Variants in CACNA1E observed in about 807,000 individuals in gnomAD.
CACNA1E encodes the protein calcium voltage-gated channel subunit alpha1 E.
A neutral mutation model predicts 259.2 loss-of-function variants in CACNA1E; 40 were observed. That is an observed-to-expected ratio of 0.15 (90% CI 0.12 to 0.20). CACNA1E has a LOEUF of 0.20. Among genes scored for constraint, CACNA1E ranks in the 10% least tolerant of loss-of-function variants. The pLI is 1.00. For missense variants in CACNA1E, 1,874 were observed against 3,040.1 expected (o/e 0.62, Z 9.02); for synonymous variants, 1,104 against 1,138.5 (o/e 0.97, Z 0.61).
intron 38 of CACNA1E, among the ~76,000 whole-genome samples, chr1:181,780,812 G>T (rs950798901): frequency 6.6e-6 from 1 of 152,176 alleles, no homozygotes; most frequent in Non-Finnish European, 1.5e-5. Flanking sequence ...TCTTTGAGCA[G>T]CAAGCACAGC....
chr1:181,351,578 T>C (rs947952951), intron 1 of CACNA1E, among the ~76,000 whole-genome samples: 22 of 152,206 alleles, frequency 1.4e-4, no homozygotes, highest in Non-Finnish European at 2.6e-4. Context: ...TTAGTATCAC[T>C]GGGCTGAAGT....
Position 181,510,598 on chromosome 1 carries a change from CCTT to C in CACNA1E, c.372+19_372+21del, listed in dbSNP as rs1236509390. 2.0e-6 allele frequency: 3 copies of C among 1,488,844 alleles called. No homozygotes were observed. Among genetic ancestry groups the C allele is most frequent in the Admixed American group, 3.3e-5 (2 of 59,842 alleles). 92.2% of individuals were successfully genotyped at this position (1,488,844 alleles called of 1,614,324 possible). A position where few individuals can be genotyped will look rare whatever the true frequency, so the allele number is the denominator to read the frequency against. ...CCGAAGACTGGTATGTGATTCCCCT[CCTT>C]CTCCCCTTTGCCCCTTTTGTCTTTC... On this transcript the variant is annotated intron_variant, in intron 2 of 47. Transcript: ENST00000367573.
rs926850053 is a variant in CACNA1E at position 181,732,569 on chromosome 1, G to C, written c.2483G>C (p.Arg828Pro). ...CTCAATGCCCACCCCAGCCTTTATC[G>C]GCGACCCAGGGCCATTGAGGGCCTG... ...NPLNAHPSLY[R>P]RPRAIEGLAL... Residue 828 changes from arginine (R) to proline (P), a missense_variant, in exon 20 of 48, where the codon CGG (arginine) becomes CCG (proline). By Grantham distance (103) the Arg-to-Pro change is moderately radical. Coordinates refer to ENST00000367573, the MANE Select transcript of CACNA1E (RefSeq NM_001205293.3). This position sits in a 1 kb window ranked among gnomAD's most constrained non-coding sequence, Gnocchi z 5.5. 1 of 1,528,092 alleles carries C rather than the reference G, an allele frequency of 6.5e-7. No homozygotes were observed. Among genetic ancestry groups the C allele is most frequent in the Non-Finnish European group, 8.8e-7 (1 of 1,137,122 alleles). The allele number at this position is 1,528,092 out of a possible 1,614,324, so 94.7% of individuals were successfully genotyped here.
At chr1:181,525,617 G>A (rs537186759) in intron 3 of CACNA1E, among the ~76,000 whole-genome samples, 81 of 152,282 alleles carry the variant, frequency 5.3e-4, no homozygotes, top group Middle Eastern at 3.4e-3. Flanking sequence ...AGGATCAGGA[G>A]CCAGTTTCAG....
In CACNA1E at chr1:181,339,244, G is replaced by T. The variant is rs116506128; in HGVS notation, c.-15+21121G>T. Among the ~76,000 whole-genome samples, 998 of 152,118 alleles carry T rather than the reference G, an allele frequency of 6.6e-3. 10 individuals carry two copies. Among genetic ancestry groups the T allele is most frequent in the African/African-American group, 0.023 (947 of 41,524 alleles). ...GGATTGTGCTGAATCTGTGTATCACGTTGGGCAGTGTGACCATTTTAACAA... is the reference window on the plus strand; with the variant it reads ...GGATTGTGCTGAATCTGTGTATCACTTTGGGCAGTGTGACCATTTTAACAA... On this transcript the variant is annotated intron_variant, in intron 1 of 11. Coordinates refer to the CACNA1E transcript ENST00000524607.
intron 16 of CACNA1E, 86 bp downstream of exon 16, chr1:181,721,961 C>A: frequency 1.1e-6 from 1 of 902,616 alleles, no homozygotes; most frequent in Non-Finnish European, 1.9e-6. Flanking sequence ...GGTGCTAGAG[C>A]TTGGGTTGGT....
chr1:181,381,641 A>G (rs1385876503), intron 1 of CACNA1E, among the ~76,000 whole-genome samples: 1 of 152,204 alleles, frequency 6.6e-6, no homozygotes, highest in East Asian at 1.9e-4. Flanking sequence ...CTGTTAACAT[A>G]GTAATGAAAA....
At chr1:181,419,842 G>A (rs930758283) in intron 2 of CACNA1E, among the ~76,000 whole-genome samples, 5 of 152,232 alleles carry the variant, frequency 3.3e-5, no homozygotes, top group African/African-American at 1.2e-4. Flanking sequence ...AGCAGTGGAA[G>A]TGGGGAGTCT....
At chr1:181,432,328 T>A (rs1286868926) in intron 2 of CACNA1E, among the ~76,000 whole-genome samples, 1 of 152,154 alleles carries the variant, frequency 6.6e-6, no homozygotes, top group Non-Finnish European at 1.5e-5. Context: ...CTGTGTTAAG[T>A]AACATCAAGC....
At chr1:181,440,573 T>C (rs1397520293) in intron 2 of CACNA1E, among the ~76,000 whole-genome samples, 1 of 152,080 alleles carries the variant, frequency 6.6e-6, no homozygotes, top group East Asian at 1.9e-4. Context: ...AAAGGGTTGA[T>C]GTTGATTACT....
At chr1:181,733,111 G>A (rs913771266) in intron 20 of CACNA1E, 77 bp downstream of exon 20, 72 of 1,443,568 alleles carry the variant, frequency 5.0e-5, no homozygotes, top group Non-Finnish European at 5.9e-5. Flanking sequence ...GCCTTTCTGA[G>A]CTCCAGTTTC....
Position 181,724,534 on chromosome 1 carries a change from C to T in CACNA1E, c.2139C>T (p.Thr713=). 6.2e-7 allele frequency: 1 copy of T among 1,610,738 alleles called. No individual in the cohort carries two copies. The highest frequency in any genetic ancestry group is 8.5e-7 in the Non-Finnish European group (1 of 1,178,028). ...VDNLANAQEL[T]KDEQEEEEAF... ...ATCTCGCCAACGCCCAGGAACTGAC[C>T]AAGGTAAGCATTGTTTTCTGGGGAT... The change falls in exon 17 of 48, where the codon ACC becomes ACT. Residue 713 remains threonine (T), a synonymous_variant. Transcript: ENST00000367573.
At chr1:181,598,627 G>A (rs1003486424) in intron 6 of CACNA1E, among the ~76,000 whole-genome samples, 1 of 152,156 alleles carries the variant, frequency 6.6e-6, no homozygotes, top group African/African-American at 2.4e-5. Flanking sequence ...TTCTATCAGG[G>A]AAATCATCTC....
intron 1 of CACNA1E, among the ~76,000 whole-genome samples, chr1:181,325,641 T>TTTTATTTA (rs71571275): frequency 0.091 from 13,567 of 149,426 alleles, 662 homozygotes; most frequent in South Asian, 0.13. Context: ...AGTTTTTTAT[T>TTTTATTTA]TTTATTTATT....
chr1:181,745,990 C>T (rs776640800), intron 25 of CACNA1E, among the ~76,000 whole-genome samples: 9 of 152,008 alleles, frequency 5.9e-5, no homozygotes, highest in Non-Finnish European at 8.8e-5. Flanking sequence ...GTGAGGAGCT[C>T]GTTGAGGTCC....
At chr1:181,614,177 G>A (rs1655004337) in intron 6 of CACNA1E, among the ~76,000 whole-genome samples, 6 of 152,008 alleles carry the variant, frequency 3.9e-5, no homozygotes, top group Admixed American at 3.9e-4. Context: ...TGACGTAGCT[G>A]CTACAACTAC....
Position 181,737,519 on chromosome 1 carries a change from C to G in CACNA1E, c.3423-6C>G. 1 of 1,613,594 alleles carries G rather than the reference C, an allele frequency of 6.2e-7. No homozygotes were observed. Among genetic ancestry groups the G allele is most frequent in the Non-Finnish European group, 8.5e-7 (1 of 1,179,664 alleles). On this transcript the variant is annotated splice_region_variant and splice_polypyrimidine_tract_variant and intron_variant, in intron 22 of 47. Coordinates refer to ENST00000367573, the MANE Select transcript of CACNA1E (RefSeq NM_001205293.3). Reference sequence around the variant, plus strand: ...GGGCCAGCTCAGCCATGCCCACTGCCCGCAGGATCCGGAGGGCCTGCCACT... The same window carrying G: ...GGGCCAGCTCAGCCATGCCCACTGCGCGCAGGATCCGGAGGGCCTGCCACT...
At position 181,719,731 on chromosome 1, in the gene CACNA1E, G is replaced by T; in HGVS notation, c.1639-20G>T. The T allele has an allele frequency of 7.2e-7, 1 of 1,388,256 alleles. No individual in the cohort carries two copies. The highest frequency in any genetic ancestry group is 1.3e-5 in the South Asian group (1 of 79,124). The allele number at this position is 1,388,256 out of a possible 1,614,324, so 86.0% of individuals were successfully genotyped here. On this transcript the variant is annotated intron_variant, in intron 12 of 47. Transcript: ENST00000367573. Reference sequence around the variant, plus strand: ...CTCCTCTTCCTCCTCCTCTCACTGTGGCTGGCATTGCCTCTCTAGGTCACA... The same window carrying T: ...CTCCTCTTCCTCCTCCTCTCACTGTTGCTGGCATTGCCTCTCTAGGTCACA...
rs371281411 is a variant in CACNA1E at position 181,392,578 on chromosome 1, C to T, written c.-14-20555C>T. Among the ~76,000 whole-genome samples, 20 of 152,320 alleles carry T rather than the reference C, an allele frequency of 1.3e-4. No homozygotes were observed. The South Asian group carries it at 4.1e-3, about 32-fold the overall frequency. ...CTGTGTGCAGGAACACAGCGGATGCCTGACCAACATCTGTGGAAGGGAAAT... is the reference window on the plus strand; with the variant it reads ...CTGTGTGCAGGAACACAGCGGATGCTTGACCAACATCTGTGGAAGGGAAAT... On this transcript the variant is annotated intron_variant, in intron 1 of 11. Coordinates refer to the CACNA1E transcript ENST00000524607.
Sources: gnomAD v4.1 joint callset for allele counts (sites outside exome capture counted in the v4.1 genomes callset) on GRCh38, gnomAD v4.1.1 for gene constraint, Gnocchi (gnomAD v3.1) non-coding constraint, MANE v1.5 for transcripts, NCBI Gene and HGNC (gene_info 2026-07-23, HGNC 2026-07-21) for gene names.